Variants in KCNJ3 observed in about 807,000 individuals in gnomAD.
KCNJ3 encodes G protein-activated inward rectifier potassium channel 1.
KCNJ3 carries 4 observed loss-of-function variants against 39.2 expected under a neutral mutation model. The ratio of observed to expected loss-of-function variants is 0.10; its 90% CI spans 0.05 to 0.23. The LOEUF (loss-of-function observed/expected upper bound fraction) is 0.23. KCNJ3 is among the 10% of genes least tolerant of loss of function. The probability of loss-of-function intolerance (pLI) is 1.00; values close to 1 mark genes in which losing one functional copy is unlikely to be tolerated. For missense variants in KCNJ3, 276 were observed against 634.9 expected (o/e 0.43, Z 6.08); for synonymous variants, 230 against 237.4 (o/e 0.97, Z 0.29).
intron 2 of KCNJ3, among the ~76,000 whole-genome samples, chr2:154,762,960 T>A (rs1309419047): frequency 6.6e-6 from 1 of 152,040 alleles, no homozygotes; most frequent in Non-Finnish European, 1.5e-5. Flanking sequence ...GCAGAGAAAA[T>A]TTCATTTTAC....
chr2:154,700,527 T>C (rs1016545788), intron 1 of KCNJ3, among the ~76,000 whole-genome samples: 1 of 152,228 alleles, frequency 6.6e-6, no homozygotes, highest in African/African-American at 2.4e-5. Flanking sequence ...CTTAAATAAA[T>C]AGTTCGTACA....
intron 2 of KCNJ3, among the ~76,000 whole-genome samples, chr2:154,733,808 G>C (rs919323128): frequency 6.6e-6 from 1 of 152,154 alleles, no homozygotes; most frequent in African/African-American, 2.4e-5. Context: ...CTACTGGGGA[G>C]TTTGTTATTC....
At chr2:154,747,991 C>G (rs1477801948) in intron 2 of KCNJ3, among the ~76,000 whole-genome samples, 1 of 151,834 alleles carries the variant, frequency 6.6e-6, no homozygotes, top group South Asian at 2.1e-4. Flanking sequence ...TAAAGTATGC[C>G]GCTTTGGGAA....
At chr2:154,853,220 CAT>C (rs1164047701) in intron 2 of KCNJ3, among the ~76,000 whole-genome samples, 1 of 150,936 alleles carries the variant, frequency 6.6e-6, no homozygotes, top group African/African-American at 2.4e-5. Context: ...TAATTTTCTA[CAT>C]GAGTTTATTT....
At chr2:154,835,449 GAATATATAATATTCATGAATA>G (rs1687440982) in intron 2 of KCNJ3, among the ~76,000 whole-genome samples, 1 of 95,192 alleles carries the variant, frequency 1.1e-5, no homozygotes, top group African/African-American at 3.2e-5. Context: ...TCATGAATAT[GAATATATAATATTCATGAATA>G]TGAATATATA....
chr2:154,779,688 C>T lies in KCNJ3; in HGVS notation c.919+69869C>T, dbSNP rs185474143. On this transcript the variant is annotated intron_variant, in intron 2 of 2. Coordinates refer to ENST00000295101, the MANE Select transcript of KCNJ3 (RefSeq NM_002239.4). ...CCTCCCGAGTAGCTGGGGCTACAGG[C>T]GCATGCCACCACGCCTGGCTAATTT... Among the ~76,000 whole-genome samples, 30 of 151,536 alleles carry T rather than the reference C, an allele frequency of 2.0e-4. No homozygotes were observed. The East Asian group carries it at 2.5e-3, about 13-fold the overall frequency.
At chr2:154,851,219 G>A (rs1179981557) in intron 2 of KCNJ3, among the ~76,000 whole-genome samples, 1 of 151,964 alleles carries the variant, frequency 6.6e-6, no homozygotes, top group Non-Finnish European at 1.5e-5. Context: ...TCCAGCCTGA[G>A]TGGCAGAACA....
At chr2:154,706,752 T>C (rs1054245334) in intron 1 of KCNJ3, among the ~76,000 whole-genome samples, 3 of 152,262 alleles carry the variant, frequency 2.0e-5, no homozygotes, top group African/African-American at 2.4e-5. Context: ...AAAATGTATT[T>C]GGTAAGCATG....
At chr2:154,741,652 A>G (rs1428546539) in intron 2 of KCNJ3, among the ~76,000 whole-genome samples, 3 of 151,876 alleles carry the variant, frequency 2.0e-5, no homozygotes, top group East Asian at 3.9e-4. Context: ...GTGGCTGAAA[A>G]CAGAATTTAG....
At chr2:154,778,025 C>T (rs901768564) in intron 2 of KCNJ3, among the ~76,000 whole-genome samples, 1 of 152,080 alleles carries the variant, frequency 6.6e-6, no homozygotes, top group Non-Finnish European at 1.5e-5. Flanking sequence ...TTTATTCTCT[C>T]CTAATTCTTC....
chr2:154,773,075 T>G (rs1686270599), intron 2 of KCNJ3, among the ~76,000 whole-genome samples: 1 of 151,996 alleles, frequency 6.6e-6, no homozygotes, highest in South Asian at 2.1e-4. Context: ...AGTAGTGAAA[T>G]AAATTAAGCA....
At chr2:154,749,956 C>T (rs148131836) in intron 2 of KCNJ3, among the ~76,000 whole-genome samples, 45 of 151,776 alleles carry the variant, frequency 3.0e-4, no homozygotes, top group African/African-American at 8.5e-4. Context: ...CCATAACCAC[C>T]GAAATAAATG....
rs1687676031 is a variant in KCNJ3, at chr2:154,847,112, T to C, written c.920-7615T>C. ...GATTCCATCTTTTTGAAAACTTCAG[T>C]TTCTGGAAGCAATTTATGTATTCTT... On this transcript the variant is annotated intron_variant, in intron 2 of 2. Transcript: ENST00000295101. 2.0e-5 allele frequency among the ~76,000 whole-genome samples: 3 copies of C among 152,158 alleles called. No individual in the cohort carries two copies. In the South Asian group the frequency reaches 6.2e-4, roughly 31 times the overall value.
chr2:154,821,951 A>AT lies in KCNJ3; in HGVS notation c.920-32765dup, dbSNP rs1191065948. 6.9e-3 allele frequency among the ~76,000 whole-genome samples: 1,016 copies of AT among 148,166 alleles called. 4 individuals are homozygous for AT. Among genetic ancestry groups the AT allele is most frequent in the Non-Finnish European group, 9.4e-3 (627 of 66,720 alleles). On this transcript the variant is annotated intron_variant, in intron 2 of 2. Coordinates refer to ENST00000295101, the MANE Select transcript of KCNJ3 (RefSeq NM_002239.4). ...CCACCGCTCCCAGCCTGAATATGTG[A>AT]TTTTTTTTTTTAAATGTGCATCTGT... is the stretch of plus-strand genomic sequence containing the variant.
chr2:154,783,780 T>G lies in KCNJ3; in HGVS notation c.920-70947T>G, dbSNP rs575305731. 2.4e-4 allele frequency among the ~76,000 whole-genome samples: 36 copies of G among 152,300 alleles called. 1 individual carries two copies. In the East Asian group the frequency reaches 6.8e-3, roughly 29 times the overall value. The stretch of plus-strand genomic sequence containing the variant: ...TACAAGAGATGGTGTTTCTTCTCTA[T>G]ATAAGAAACTCAATGGCAACTGTTT... On this transcript the variant is annotated intron_variant, in intron 2 of 2. Transcript: ENST00000295101.
Position 154,855,353 on chromosome 2 carries a change from T to G in KCNJ3, c.*40T>G. 1 of 1,341,064 alleles carries G rather than the reference T, an allele frequency of 7.5e-7. No homozygotes were observed. Among genetic ancestry groups the G allele is most frequent in the Non-Finnish European group, 1.0e-6 (1 of 978,990 alleles). The allele number at this position is 1,341,064 out of a possible 1,614,324, so 83.1% of individuals were successfully genotyped here. The stretch of plus-strand genomic sequence containing the variant: ...AGGCATTATTTAATGTTTGATTTAG[T>G]AATAGTCCAATATTTGGCGATGAGG... On this transcript the variant is annotated 3_prime_UTR_variant, in exon 3 of 3. Transcript: ENST00000295101.
At chr2:154,708,187 C>G (rs1054530454) in intron 1 of KCNJ3, among the ~76,000 whole-genome samples, 2 of 152,108 alleles carry the variant, frequency 1.3e-5, no homozygotes, top group African/African-American at 2.4e-5. Context: ...TTTGTCTACA[C>G]AAATAATATC....
intron 2 of KCNJ3, among the ~76,000 whole-genome samples, chr2:154,713,488 G>T (rs532533079): frequency 1.6e-4 from 24 of 152,134 alleles, no homozygotes; most frequent in Admixed American, 1.0e-3. Flanking sequence ...CAGGAGTGGT[G>T]GGGGGAGGGA....
intron 2 of KCNJ3, among the ~76,000 whole-genome samples, chr2:154,750,979 C>T (rs1455358706): frequency 6.6e-5 from 10 of 151,706 alleles, no homozygotes; most frequent in African/African-American, 2.4e-5. Context: ...CAAAACACTT[C>T]GTTATCTATA....
Sources: allele counts gnomAD v4.1 joint callset (sites outside exome capture counted in the v4.1 genomes callset), GRCh38; gene constraint gnomAD v4.1.1; transcripts MANE v1.5; gene names NCBI Gene and HGNC (gene_info 2026-07-23, HGNC 2026-07-21).